The following SNX4 variants were observed in gnomAD, a reference collection of about 807,000 sequenced individuals.
SNX4 encodes sorting nexin 4, also known as sorting nexin-4.
SNX4 carries 49 observed loss-of-function variants against 70.8 expected under a neutral mutation model. The ratio of observed to expected loss-of-function variants is 0.69; its 90% CI spans 0.55 to 0.88. The LOEUF (loss-of-function observed/expected upper bound fraction) is 0.88, where lower values mean the gene tolerates loss of function less well. SNX4 is among the 40% of genes least tolerant of loss of function. The pLI is 0.00. For missense variants in SNX4, 528 were observed against 544.8 expected (o/e 0.97, Z 0.31); for synonymous variants, 206 against 183.8 (o/e 1.12, Z -0.98).
intron 6 of SNX4, 90 bp from the exon 7 acceptor site, chr3:125,480,409 C>T (rs1396149147): frequency 3.2e-6 from 2 of 629,518 alleles, no homozygotes; most frequent in South Asian, 7.3e-5. Flanking sequence ...CCGACAATAA[C>T]AAAACTGATT....
intron 8 of SNX4, among the ~76,000 whole-genome samples, chr3:125,476,148 T>C (rs1579987977): frequency 1.3e-5 from 2 of 149,644 alleles, no homozygotes; most frequent in African/African-American, 2.5e-5. Flanking sequence ...GTGTCTGTAA[T>C]CCCAGCTACT....
At chr3:125,496,660 TAAAC>T (rs1248545639) in intron 5 of SNX4, among the ~76,000 whole-genome samples, 1 of 152,152 alleles carries the variant, frequency 6.6e-6, no homozygotes, top group Non-Finnish European at 1.5e-5. Context: ...AGGGAAGAAA[TAAAC>T]AGCAGCATAG....
intron 6 of SNX4, among the ~76,000 whole-genome samples, chr3:125,486,712 T>C (rs550946973): frequency 3.9e-4 from 60 of 152,236 alleles, no homozygotes; most frequent in African/African-American, 1.3e-3. Context: ...TGCAACAATA[T>C]AAGATGCTCA....
chr3:125,476,265 CAAAAAAAAAA>C (rs749425097), intron 8 of SNX4, among the ~76,000 whole-genome samples: 3 of 46,824 alleles, frequency 6.4e-5, no homozygotes. Flanking sequence ...GACTCCATCT[CAAAAAAAAAA>C]AAAAAAAAAA....
In SNX4 at chr3:125,451,401, T is replaced by A; in HGVS notation, c.1209A>T (p.Ala403=). 6.2e-7 allele frequency: 1 copy of A among 1,612,938 alleles called. No individual in the cohort carries two copies. The highest frequency in any genetic ancestry group is 8.5e-7 in the Non-Finnish European group (1 of 1,179,126). ...CTTTGAAGCGTTCAATATCAGCCCA[T>A]GCGTTTTTCACAAATTCTCTGAAAT... is the stretch of plus-strand genomic sequence containing the variant. ...NLEGREFVKN[A]WADIERFKEQ... Residue 403 remains alanine, a synonymous_variant, in exon 13 of 14, where the codon GCA becomes GCT. Transcript: ENST00000251775.
intron 9 of SNX4, among the ~76,000 whole-genome samples, chr3:125,463,516 A>G (rs1394060869): frequency 6.6e-6 from 1 of 152,234 alleles, no homozygotes; most frequent in Non-Finnish European, 1.5e-5. Context: ...AAATTCTTGG[A>G]AACATTGAAA....
chr3:125,451,480 T>C, intron 12 of SNX4, 61 bp from the exon 13 acceptor site: 4 of 1,242,652 alleles, frequency 3.2e-6, no homozygotes, highest in Middle Eastern at 1.9e-4. Flanking sequence ...TACTAAAAAG[T>C]TAACCAGTTC....
At chr3:125,477,852 G>A (rs974157906) in intron 7 of SNX4, among the ~76,000 whole-genome samples, 2 of 152,078 alleles carry the variant, frequency 1.3e-5, no homozygotes, top group African/African-American at 2.4e-5. Flanking sequence ...CAGTGGAGCT[G>A]AATAGATGCA....
intron 1 of SNX4, among the ~76,000 whole-genome samples, chr3:125,516,499 G>A (rs1165479344): frequency 6.6e-6 from 1 of 152,126 alleles, no homozygotes; most frequent in Non-Finnish European, 1.5e-5. Flanking sequence ...AACCTCTTGG[G>A]GTAGGATAAT....
chr3:125,518,007 T>C (rs538516045), intron 1 of SNX4, among the ~76,000 whole-genome samples: 1 of 152,070 alleles, frequency 6.6e-6, no homozygotes, highest in African/African-American at 2.4e-5. Context: ...CAGGAAGTAG[T>C]ATGTAACTAC....
At chr3:125,511,274 T>C (rs1935169246) in intron 1 of SNX4, among the ~76,000 whole-genome samples, 2 of 150,914 alleles carry the variant, frequency 1.3e-5, no homozygotes, top group Admixed American at 6.7e-5. Flanking sequence ...ATCCTCAATA[T>C]TGATATCTAA....
intron 5 of SNX4, 60 bp from the exon 6 acceptor site, chr3:125,489,523 A>G: frequency 1.5e-6 from 2 of 1,358,962 alleles, no homozygotes; most frequent in Non-Finnish European, 2.1e-6. Context: ...AATTCAAACA[A>G]TTTTACTTTC....
intron 2 of SNX4, among the ~76,000 whole-genome samples, chr3:125,499,778 A>AC (rs1559822865): frequency 6.7e-6 from 1 of 149,222 alleles, no homozygotes; most frequent in African/African-American, 2.5e-5. Flanking sequence ...AAAAAAAAAA[A>AC]AAAAACGCGG....
At chr3:125,511,409 A>ATCT (rs1935172748) in intron 1 of SNX4, among the ~76,000 whole-genome samples, 2 of 152,204 alleles carry the variant, frequency 1.3e-5, no homozygotes, top group Middle Eastern at 3.2e-3. Flanking sequence ...ATCTTATATT[A>ATCT]AACTTTAAAT....
At chr3:125,513,292 C>G (rs1256412232) in intron 1 of SNX4, among the ~76,000 whole-genome samples, 1 of 152,200 alleles carries the variant, frequency 6.6e-6, no homozygotes, top group East Asian at 1.9e-4. Flanking sequence ...GTCACTGAAT[C>G]TGCCAGTTCC....
chr3:125,482,947 G>C (rs1350447775), intron 6 of SNX4, among the ~76,000 whole-genome samples: 1 of 151,956 alleles, frequency 6.6e-6, no homozygotes, highest in Non-Finnish European at 1.5e-5. Flanking sequence ...TGCATTTGTA[G>C]GATAAAACTT....
intron 1 of SNX4, among the ~76,000 whole-genome samples, chr3:125,505,342 T>C (rs553744465): frequency 9.9e-5 from 15 of 152,172 alleles, no homozygotes; most frequent in Non-Finnish European, 1.5e-5. Context: ...GGGAGGATAG[T>C]GGAGTAGGAA....
rs528931579 is a variant in SNX4 at position 125,478,371 on chromosome 3, C to T, written c.727-1615G>A. 9.2e-5 allele frequency among the ~76,000 whole-genome samples: 14 copies of T among 151,626 alleles called. No homozygotes were observed. The East Asian group carries it at 1.4e-3, about 15-fold the overall frequency. On this transcript the variant is annotated intron_variant, in intron 7 of 13. Coordinates refer to ENST00000251775, the MANE Select transcript of SNX4 (RefSeq NM_003794.4). Reference sequence around the variant, plus strand: ...AGGTACGAGCCACTGTGCCTGGCCCCCAAGTATTTTTTGAGCAGTCTGTGC... The same window carrying T: ...AGGTACGAGCCACTGTGCCTGGCCCTCAAGTATTTTTTGAGCAGTCTGTGC...
chr3:125,488,974 T>C (rs753720704), intron 6 of SNX4, among the ~76,000 whole-genome samples: 1 of 152,238 alleles, frequency 6.6e-6, no homozygotes, highest in Non-Finnish European at 1.5e-5. Context: ...TACTAGCTGA[T>C]ATTAATAAAA....
Sources: allele counts gnomAD v4.1 joint callset (sites outside exome capture counted in the v4.1 genomes callset), GRCh38; gene constraint gnomAD v4.1.1; transcripts MANE v1.5; gene names NCBI Gene and HGNC (gene_info 2026-07-23, HGNC 2026-07-21).